The following DNAJC1 variants were observed in gnomAD, a reference collection of about 807,000 sequenced individuals.
DNAJC1 encodes the protein dnaJ homolog subfamily C member 1.
A neutral mutation model predicts 76.6 loss-of-function variants in DNAJC1; 58 were observed. The observed-to-expected ratio is 0.76, with a 90% confidence interval of 0.61 to 0.94. The LOEUF (loss-of-function observed/expected upper bound fraction) is 0.94. Among genes scored for constraint, DNAJC1 ranks in the 40% least tolerant of loss-of-function variants. The pLI is 0.00. For missense variants in DNAJC1, 689 were observed against 677.3 expected (o/e 1.02, Z -0.19); for synonymous variants, 258 against 267.9 (o/e 0.96, Z 0.36).
At chr10:21,832,950 A>C (rs1364664244) in intron 8 of DNAJC1, among the ~76,000 whole-genome samples, 2 of 152,138 alleles carry the variant, frequency 1.3e-5, no homozygotes, top group African/African-American at 4.8e-5. Flanking sequence ...ATATGCTCTG[A>C]GTAGTTCTGT....
At chr10:21,810,607 G>A (rs948430078) in intron 8 of DNAJC1, among the ~76,000 whole-genome samples, 4 of 152,164 alleles carry the variant, frequency 2.6e-5, no homozygotes, top group African/African-American at 7.2e-5. Context: ...CCCCATGGAC[G>A]TACTGCTTCC....
chr10:21,965,154 C>T (rs1459688188), intron 1 of DNAJC1, among the ~76,000 whole-genome samples: 1 of 151,930 alleles, frequency 6.6e-6, no homozygotes, highest in Non-Finnish European at 1.5e-5. Context: ...TATCTCAGTC[C>T]CTCATGTCTG....
chr10:21,829,776 A>T (rs543350476), intron 8 of DNAJC1, among the ~76,000 whole-genome samples: 1 of 152,270 alleles, frequency 6.6e-6, no homozygotes, highest in South Asian at 2.1e-4. Flanking sequence ...ATTATAGCCT[A>T]TTTTCATTTA....
chr10:21,756,932 C>T (rs1052057685), intron 11 of DNAJC1, among the ~76,000 whole-genome samples, 177 bp from the exon 12 acceptor site: 4 of 152,124 alleles, frequency 2.6e-5, no homozygotes, highest in Admixed American at 1.3e-4. Flanking sequence ...CTGGGCAGTG[C>T]GAGAAGGGCT....
chr10:21,889,957 C>T, intron 7 of DNAJC1, among the ~76,000 whole-genome samples: 1 of 152,178 alleles, frequency 6.6e-6, no homozygotes, highest in African/African-American at 2.4e-5. Context: ...TAATGAGGCA[C>T]CCAACCTCCC....
At chr10:21,807,307 C>A (rs1327398345) in intron 8 of DNAJC1, among the ~76,000 whole-genome samples, 10 of 152,186 alleles carry the variant, frequency 6.6e-5, no homozygotes, top group Non-Finnish European at 1.3e-4. Flanking sequence ...ATCTCCACAG[C>A]TACAGCAAAG....
intron 8 of DNAJC1, among the ~76,000 whole-genome samples, chr10:21,841,986 G>C (rs1412321137): frequency 1.3e-5 from 2 of 150,876 alleles, no homozygotes; most frequent in African/African-American, 2.4e-5. Context: ...TCTCAGCAAA[G>C]TATTGCAAGG....
chr10:21,932,042 A>G (rs1231502681), intron 1 of DNAJC1, among the ~76,000 whole-genome samples: 2 of 152,174 alleles, frequency 1.3e-5, no homozygotes, highest in African/African-American at 4.8e-5. Flanking sequence ...AACAAAACGA[A>G]AAAACACTCT....
intron 1 of DNAJC1, among the ~76,000 whole-genome samples, chr10:21,938,619 A>G (rs1837353057): frequency 6.6e-6 from 1 of 152,210 alleles, no homozygotes; most frequent in South Asian, 2.1e-4. Context: ...ACAAATGGGT[A>G]TGGTGGTGTT....
chr10:21,908,858 A>G (rs1445553660), intron 6 of DNAJC1, among the ~76,000 whole-genome samples: 1 of 151,928 alleles, frequency 6.6e-6, no homozygotes, highest in Non-Finnish European at 1.5e-5. Context: ...TTATTCTAGA[A>G]GCAACTGTAT....
chr10:21,861,086 T>C (rs912229522), intron 8 of DNAJC1, among the ~76,000 whole-genome samples: 1 of 152,128 alleles, frequency 6.6e-6, no homozygotes, highest in Non-Finnish European at 1.5e-5. Flanking sequence ...TCTAAGGTAA[T>C]GGGGGTCAGG....
intron 6 of DNAJC1, among the ~76,000 whole-genome samples, chr10:21,917,964 G>A (rs954876256): frequency 1.3e-4 from 20 of 151,810 alleles, no homozygotes; most frequent in African/African-American, 4.8e-4. Flanking sequence ...TACAAAGTGG[G>A]TAGAACTGAA....
chr10:21,770,882 G>T (rs1279912677), intron 9 of DNAJC1, among the ~76,000 whole-genome samples: 3 of 151,850 alleles, frequency 2.0e-5, no homozygotes, highest in Non-Finnish European at 4.4e-5. Context: ...GAAGCTTTTG[G>T]TTGCTTGTGC....
chr10:21,839,523 C>T (rs1590007719), intron 8 of DNAJC1, among the ~76,000 whole-genome samples: 1 of 152,216 alleles, frequency 6.6e-6, no homozygotes, highest in African/African-American at 2.4e-5. Flanking sequence ...AATTCCTTGA[C>T]ACCTACATCC....
intron 1 of DNAJC1, among the ~76,000 whole-genome samples, chr10:21,962,782 C>A (rs982002876): frequency 5.3e-5 from 8 of 151,350 alleles, no homozygotes; most frequent in African/African-American, 1.9e-4. Context: ...ACTGTCCCTG[C>A]ACATTATTTA....
intron 9 of DNAJC1, among the ~76,000 whole-genome samples, chr10:21,791,387 A>C (rs1431434118): frequency 6.6e-6 from 1 of 152,232 alleles, no homozygotes; most frequent in Non-Finnish European, 1.5e-5. Context: ...TCTTAGACCA[A>C]ATGGAACTAA....
chr10:21,769,844 G>A (rs1210876266), intron 9 of DNAJC1, among the ~76,000 whole-genome samples: 4 of 151,988 alleles, frequency 2.6e-5, no homozygotes, highest in Non-Finnish European at 4.4e-5. Context: ...GAGCCACCAC[G>A]CCAGGCTAAT....
chr10:21,904,457 G>A (rs1357272181), intron 7 of DNAJC1, 65 bp downstream of exon 7: 4 of 1,046,632 alleles, frequency 3.8e-6, no homozygotes, highest in Non-Finnish European at 5.3e-6. Context: ...GAATTTAAAA[G>A]ATAATTCACA....
chr10:21,809,693 T>C (rs75267903), intron 8 of DNAJC1, among the ~76,000 whole-genome samples: 9,173 of 152,124 alleles, frequency 0.06, 575 homozygotes, highest in African/African-American at 0.15. Flanking sequence ...CCTCAAGTTC[T>C]ATAAACACTT....
Sources: allele counts gnomAD v4.1 joint callset (sites outside exome capture counted in the v4.1 genomes callset), GRCh38; gene constraint gnomAD v4.1.1; transcripts MANE v1.5; gene names NCBI Gene and HGNC (gene_info 2026-07-23, HGNC 2026-07-21).